Variants in HDAC9 observed in about 807,000 individuals in gnomAD.
The protein encoded by HDAC9 is MEF-2 interacting transcription repressor (MITR) protein.
Under a neutral mutation model 139.4 loss-of-function variants are expected in HDAC9, and 41 were observed. The ratio of observed to expected loss-of-function variants is 0.29; its 90% CI spans 0.23 to 0.38. The LOEUF (loss-of-function observed/expected upper bound fraction) is 0.38. Among genes scored for constraint, HDAC9 ranks in the 10% least tolerant of loss-of-function variants. The pLI, the probability that HDAC9 is intolerant of heterozygous loss-of-function variation, is 1.00. For missense variants in HDAC9, 1,147 were observed against 1,297.0 expected, an observed-to-expected ratio of 0.88 and a Z score of 1.78; for synonymous variants, 517 against 476.2, an observed-to-expected ratio of 1.09 and a Z score of -1.12.
intron 11 of HDAC9, among the ~76,000 whole-genome samples, chr7:18,663,510 G>A (rs939218508): frequency 4.0e-5 from 6 of 151,858 alleles, no homozygotes; most frequent in African/African-American, 1.5e-4. Flanking sequence ...CTGGACACTG[G>A]CTCTCTGGCT....
intron 23 of HDAC9, among the ~76,000 whole-genome samples, chr7:18,940,339 C>G (rs1381981427): frequency 6.6e-6 from 1 of 152,214 alleles, no homozygotes; most frequent in African/African-American, 2.4e-5. Context: ...CAAGGTCAGT[C>G]AAAATAGTAT....
intron 2 of HDAC9, among the ~76,000 whole-genome samples, chr7:18,252,885 C>G (rs1034828635): frequency 3.9e-5 from 6 of 152,228 alleles, no homozygotes; most frequent in Middle Eastern, 3.4e-3. Flanking sequence ...AGCCTAGTCC[C>G]CATTAGCTAT....
intron 1 of HDAC9, among the ~76,000 whole-genome samples, chr7:18,438,544 A>C (rs1333635642): frequency 6.6e-6 from 1 of 152,178 alleles, no homozygotes; most frequent in Non-Finnish European, 1.5e-5. Flanking sequence ...GAAAGATTAA[A>C]CTAGAATATA....
chr7:18,455,137 A>ACTTATT (rs1793226429), intron 1 of HDAC9, among the ~76,000 whole-genome samples: 1 of 152,156 alleles, frequency 6.6e-6, no homozygotes, highest in Non-Finnish European at 1.5e-5. Context: ...GGACATAGAA[A>ACTTATT]TAAGTGTAGT....
At chr7:18,792,561 T>A (rs1792418048) in intron 16 of HDAC9, among the ~76,000 whole-genome samples, 1 of 152,186 alleles carries the variant, frequency 6.6e-6, no homozygotes, top group African/African-American at 2.4e-5. Context: ...CAGCATTTTA[T>A]AAAGGGAAAT....
intron 22 of HDAC9, among the ~76,000 whole-genome samples, chr7:18,921,023 T>C (rs1803663109): frequency 1.3e-5 from 2 of 152,120 alleles, no homozygotes. Flanking sequence ...GAAAACTGGC[T>C]AGCCATATGT....
At chr7:18,402,276 G>T (rs911234338) in intron 1 of HDAC9, among the ~76,000 whole-genome samples, 1 of 152,108 alleles carries the variant, frequency 6.6e-6, no homozygotes, top group Admixed American at 6.6e-5. Context: ...AGCTCAAATT[G>T]TTCTGGAAAA....
intron 23 of HDAC9, among the ~76,000 whole-genome samples, chr7:18,941,055 C>T (rs551890087): frequency 6.6e-6 from 1 of 152,172 alleles, no homozygotes; most frequent in African/African-American, 2.4e-5. Context: ...TATGGTAAAT[C>T]CTCTAGTACT....
At chr7:18,257,762 G>C (rs1334618023) in intron 2 of HDAC9, among the ~76,000 whole-genome samples, 1 of 152,182 alleles carries the variant, frequency 6.6e-6, no homozygotes, top group Non-Finnish European at 1.5e-5. Flanking sequence ...CTTACAAGTA[G>C]ATAGAGAAAA....
Position 18,548,371 on chromosome 7 carries a change from A to G in HDAC9, c.23-36910A>G, listed in dbSNP as rs533875628. On this transcript the variant is annotated intron_variant, in intron 2 of 25. Transcript: ENST00000686413. ...ATTGCAAGAATTACAAAAATTTGAT[A>G]GAGACATAAAGTGAGCACATGCTGC... Among the ~76,000 whole-genome samples the G allele has an allele frequency of 1.3e-4, 20 of 152,364 alleles. No homozygotes were observed. The East Asian group carries it at 1.7e-3, about 13-fold the overall frequency.
chr7:18,257,694 G>C (rs1378836200), intron 2 of HDAC9, among the ~76,000 whole-genome samples: 1 of 152,060 alleles, frequency 6.6e-6, no homozygotes, highest in East Asian at 1.9e-4. Context: ...CTTTTCTGTA[G>C]GTTCTCTGAG....
intron 1 of HDAC9, among the ~76,000 whole-genome samples, chr7:18,342,118 T>C (rs1470127085): frequency 6.6e-6 from 1 of 151,894 alleles, no homozygotes; most frequent in Non-Finnish European, 1.5e-5. Context: ...TACACACATG[T>C]ACAGGTCAGT....
chr7:18,943,518 A>C (rs1782163555), intron 23 of HDAC9, among the ~76,000 whole-genome samples: 1 of 152,092 alleles, frequency 6.6e-6, no homozygotes, highest in African/African-American at 2.4e-5. Context: ...AGCATCATGG[A>C]AATTATGGGA....
Position 18,461,982 on chromosome 7 carries a change from G to A in HDAC9, c.-41-34280G>A, listed in dbSNP as rs139760190. 2.0e-3 allele frequency among the ~76,000 whole-genome samples: 301 copies of A among 152,128 alleles called. 1 individual carries two copies. The highest frequency in any genetic ancestry group is 6.0e-3 in the African/African-American group (248 of 41,536). ...GAAAACAGAGGCCTGGAGAAACTGAGCAGTGTGGTCGTGATCACTAAATTA... is the reference window on the plus strand; with the variant it reads ...GAAAACAGAGGCCTGGAGAAACTGAACAGTGTGGTCGTGATCACTAAATTA... On this transcript the variant is annotated intron_variant, in intron 1 of 3. Coordinates refer to the HDAC9 transcript ENST00000413509.
intron 1 of HDAC9, among the ~76,000 whole-genome samples, chr7:18,405,085 G>A (rs1435209509): frequency 2.6e-5 from 4 of 152,194 alleles, no homozygotes; most frequent in African/African-American, 7.2e-5. Context: ...GAAAGCCCGC[G>A]CAGATAAAGG....
chr7:18,455,812 G>C (rs1278729833), intron 1 of HDAC9, among the ~76,000 whole-genome samples: 1 of 152,160 alleles, frequency 6.6e-6, no homozygotes, highest in African/African-American at 2.4e-5. Flanking sequence ...CCACAAATTA[G>C]ATTACTGAAA....
At chr7:18,730,150 G>A (rs898867582) in intron 13 of HDAC9, among the ~76,000 whole-genome samples, 1 of 151,910 alleles carries the variant, frequency 6.6e-6, no homozygotes, top group Non-Finnish European at 1.5e-5. Context: ...ACTGGCATTG[G>A]GATTAAAATA....
At chr7:18,816,794 T>G (rs1794593029) in intron 17 of HDAC9, among the ~76,000 whole-genome samples, 1 of 152,222 alleles carries the variant, frequency 6.6e-6, no homozygotes, top group South Asian at 2.1e-4. Context: ...GTGTTTAATT[T>G]CCACGGAACA....
intron 11 of HDAC9, among the ~76,000 whole-genome samples, chr7:18,664,593 C>T (rs1242403478): frequency 6.6e-6 from 1 of 152,084 alleles, no homozygotes; most frequent in Non-Finnish European, 1.5e-5. Context: ...ACAGACTCTG[C>T]CTTCTACCAG....
Sources: gnomAD v4.1 joint callset for allele counts (sites outside exome capture counted in the v4.1 genomes callset) on GRCh38, gnomAD v4.1.1 for gene constraint, MANE v1.5 for transcripts, NCBI Gene and HGNC (gene_info 2026-07-23, HGNC 2026-07-21) for gene names.